The following PRDM2 variants were observed in gnomAD, a reference collection of about 807,000 sequenced individuals.
The protein encoded by PRDM2 is PR/SET domain 2.
In PRDM2, 30 loss-of-function variants were observed where a neutral mutation model predicts 130.0. That is an observed-to-expected ratio of 0.23 (90% CI 0.17 to 0.31). The LOEUF is 0.31. Ranked by LOEUF, PRDM2 falls within the 10% of genes least tolerant of loss-of-function variation. The pLI is 1.00. For missense variants in PRDM2, 2,011 were observed against 2,108.4 expected (o/e 0.95, Z 0.90); for synonymous variants, 871 against 782.4 (o/e 1.11, Z -1.89).
intron 8 of PRDM2, chr1:13,787,596 CT>C (rs1244903169): frequency 1.0e-5 from 10 of 977,246 alleles, no homozygotes; most frequent in Non-Finnish European, 1.2e-5. Flanking sequence ...GTTATGGGGA[CT>C]TTATGTTGAA....
chr1:13,810,254 C>A (rs1447337429), intron 8 of PRDM2, among the ~76,000 whole-genome samples: 3 of 152,148 alleles, frequency 2.0e-5, no homozygotes, highest in African/African-American at 4.8e-5. Context: ...ACATACATGG[C>A]CTGGCACATA....
At chr1:13,711,136 C>T (rs568987978) in intron 1 of PRDM2, among the ~76,000 whole-genome samples, 35 of 151,728 alleles carry the variant, frequency 2.3e-4, no homozygotes, top group Admixed American at 1.5e-3. Context: ...TTCAGTGATA[C>T]GCTTGGAAAG....
At chr1:13,762,501 G>A (rs1644122994) in intron 6 of PRDM2, among the ~76,000 whole-genome samples, 1 of 152,208 alleles carries the variant, frequency 6.6e-6, no homozygotes, top group Non-Finnish European at 1.5e-5. Flanking sequence ...CATAGGTTGA[G>A]AGACCCTTTC....
intron 6 of PRDM2, among the ~76,000 whole-genome samples, chr1:13,756,149 G>C (rs1643946317): frequency 6.6e-6 from 1 of 151,274 alleles, no homozygotes; most frequent in African/African-American, 2.4e-5. Flanking sequence ...TGTAGTCCCA[G>C]CTACTCCGGA....
intron 6 of PRDM2, 23 bp downstream of exon 6, chr1:13,749,510 G>GCCCGGC (rs1355940537): frequency 8.3e-7 from 1 of 1,200,016 alleles, no homozygotes; most frequent in Non-Finnish European, 1.1e-6. Context: ...CGGCCCGCCC[G>GCCCGGC]CCCGGCCCCG....
At chr1:13,732,942 C>G in intron 4 of PRDM2, 60 bp downstream of exon 4, 1 of 1,155,504 alleles carries the variant, frequency 8.7e-7, no homozygotes, top group Admixed American at 2.6e-5. Context: ...ATTCTGTTCT[C>G]TCAGAATTTG....
chr1:13,781,034 C>A lies in PRDM2; in HGVS notation c.3239C>A (p.Ala1080Glu). The change falls in exon 8 of 10, where the codon GCA becomes GAA. Residue 1080 changes from alanine (A) to glutamate (E), a missense_variant. By Grantham distance (107) the Ala-to-Glu change is moderately radical (BLOSUM62 -1). Coordinates refer to ENST00000311066, the MANE Select transcript of PRDM2 (RefSeq NM_001393986.1). This position sits in a 1 kb window ranked among gnomAD's most constrained non-coding sequence, Gnocchi z 6.1. ...TCTCCTTCTCCACCTCCTCTCTCCG[C>A]AATATCATCTGTTGTTTCCTCTGGT... The part of the protein sequence containing the change: ...SSSPSPPPLS[A>E]ISSVVSSGDN... 8 of 1,609,948 alleles carry A rather than the reference C, an allele frequency of 5.0e-6. 1 individual carries two copies. Among genetic ancestry groups the A allele is most frequent in the Non-Finnish European group, 6.8e-6 (8 of 1,176,278 alleles).
intron 8 of PRDM2, chr1:13,787,997 A>G: frequency 1.0e-6 from 1 of 984,910 alleles, no homozygotes; most frequent in Non-Finnish European, 1.2e-6. Context: ...TTGTTGTGCT[A>G]TTGCTGCAAA....
intron 1 of PRDM2, among the ~76,000 whole-genome samples, chr1:13,714,171 A>G (rs1240826276): frequency 1.3e-5 from 2 of 152,138 alleles, no homozygotes; most frequent in African/African-American, 4.8e-5. Context: ...GCCCGGCCCA[A>G]AATATACATT....
chr1:13,779,565 T>C lies in PRDM2; in HGVS notation c.1770T>C (p.Ser590=). Residue 590 remains serine (S), a synonymous_variant, in exon 8 of 10, where the codon TCT becomes TCC. Transcript: ENST00000311066. This position sits in a 1 kb window ranked among gnomAD's most constrained non-coding sequence, Gnocchi z 4.9. ...TSNCDVIEME[S]ASADLYGINC... ...ACTGTGATGTGATTGAGATGGAGTC[T>C]GCTTCGGCAGATTTGTATGGTATAA... The C allele has an allele frequency of 6.2e-7, 1 of 1,614,208 alleles. No homozygotes were observed. Among genetic ancestry groups the C allele is most frequent in the African/African-American group, 1.3e-5 (1 of 75,062 alleles).
At chr1:13,755,608 T>C (rs1643930184) in intron 6 of PRDM2, among the ~76,000 whole-genome samples, 3 of 152,200 alleles carry the variant, frequency 2.0e-5, no homozygotes, top group African/African-American at 7.2e-5. Context: ...TCCTTAAATA[T>C]GAACACTAGG....
At chr1:13,735,839 A>G (rs1235411244) in intron 4 of PRDM2, among the ~76,000 whole-genome samples, 1 of 152,244 alleles carries the variant, frequency 6.6e-6, no homozygotes, top group Non-Finnish European at 1.5e-5. Context: ...GAAACAACAC[A>G]GAAAAATATA....
chr1:13,794,092 C>T (rs1341193858), intron 8 of PRDM2, among the ~76,000 whole-genome samples: 4 of 152,146 alleles, frequency 2.6e-5, no homozygotes, highest in African/African-American at 9.7e-5. Context: ...TCCTGAAGGC[C>T]ACTTGCATTC....
At position 13,779,057 on chromosome 1, in the gene PRDM2, G is replaced by A. The variant is rs139445903; in HGVS notation, c.1262G>A (p.Ser421Asn). Residue 421 changes from serine to asparagine, a missense_variant, in exon 8 of 10, where the codon AGC (serine) becomes AAC (asparagine). Transcript: ENST00000311066. This position sits in a 1 kb window ranked among gnomAD's most constrained non-coding sequence, Gnocchi z 4.9. ...GAAGCAGGGTTAAAGCGGAAACCCA[G>A]CCAAACACTACAGCCGTCAGAGGAT... Reference protein sequence around the residue: ...RHEAGLKRKPSQTLQPSEDLA... With the variant: ...RHEAGLKRKPNQTLQPSEDLA... 1 of 1,614,198 alleles carries A rather than the reference G, an allele frequency of 6.2e-7. No homozygotes were observed. The highest frequency in any genetic ancestry group is 8.5e-7 in the Non-Finnish European group (1 of 1,180,038).
Position 13,778,588 on chromosome 1 carries a change from G to T in PRDM2, c.793G>T (p.Asp265Tyr). 1 of 1,614,134 alleles carries T rather than the reference G, an allele frequency of 6.2e-7. No homozygotes were observed. The highest frequency in any genetic ancestry group is 8.5e-7 in the Non-Finnish European group (1 of 1,180,034). ...AGAAGCGGCAGCTTGTGAGGTGAATGATTTGGGGGAAGAGGAGGAGGAGGA... is the reference window on the plus strand; with the variant it reads ...AGAAGCGGCAGCTTGTGAGGTGAATTATTTGGGGGAAGAGGAGGAGGAGGA... ...RLEAAACEVNDLGEEEEEEEE... is the reference protein window; with the variant it reads ...RLEAAACEVNYLGEEEEEEEE... Residue 265 changes from aspartate (D) to tyrosine (Y), a missense_variant, in exon 8 of 10, where the codon GAT becomes TAT. Around this residue, in one of 5 missense-constraint regions of PRDM2, gnomAD observed 1,288 missense variants for 1,237.7 expected, o/e 1.04. Transcript: ENST00000311066.
rs1291060625 is a variant in PRDM2, at chr1:13,766,510, C to G, written c.512-6568C>G. Among the ~76,000 whole-genome samples the G allele has an allele frequency of 2.0e-5, 3 of 152,150 alleles. No homozygotes were observed. The East Asian group carries it at 5.8e-4, about 29-fold the overall frequency. ...AGTAGAGAGGGTGGAAATTCAGTTG[C>G]AAGGATGAAGGACTGATGGAGGGCA... On this transcript the variant is annotated intron_variant, in intron 6 of 9. Coordinates refer to ENST00000311066, the MANE Select transcript of PRDM2 (RefSeq NM_001393986.1).
rs539585376 is a variant in PRDM2 at position 13,779,345 on chromosome 1, G to A, written c.1550G>A (p.Arg517Gln). The stretch of plus-strand genomic sequence containing the variant: ...CATCTGATTCCCAAAGGTGTACGGC[G>A]AAAAGGAGGCCTTGAAGAGCCCCAG... ...ERHLIPKGVR[R>Q]KGGLEEPQPP... The change falls in exon 8 of 10, where the codon CGA becomes CAA. Residue 517 changes from arginine (R) to glutamine (Q), a missense_variant. Arg to Gln is a conservative substitution (Grantham distance 43). Coordinates refer to ENST00000311066, the MANE Select transcript of PRDM2 (RefSeq NM_001393986.1). This position sits in a 1 kb window ranked among gnomAD's most constrained non-coding sequence, Gnocchi z 4.9. 1.2e-5 allele frequency: 20 copies of A among 1,614,100 alleles called. No individual in the cohort carries two copies. Among genetic ancestry groups the A allele is most frequent in the East Asian group, 2.2e-5 (1 of 44,878 alleles).
rs189437416 is a variant in PRDM2, at chr1:13,725,595, A to G, written c.10-5405A>G. On this transcript the variant is annotated intron_variant, in intron 2 of 9. Transcript: ENST00000311066. The stretch of plus-strand genomic sequence containing the variant: ...ATGAAAGCTAGGAAATTGATTTGGT[A>G]TAATAATGCTAGTTAGACTACAGGC... 4.5e-3 allele frequency among the ~76,000 whole-genome samples: 684 copies of G among 152,368 alleles called. 2 individuals are homozygous for G. The highest frequency in any genetic ancestry group is 6.7e-3 in the Non-Finnish European group (456 of 68,040).
At chr1:13,820,257 C>T (rs564694556) in intron 9 of PRDM2, among the ~76,000 whole-genome samples, 1 of 152,296 alleles carries the variant, frequency 6.6e-6, no homozygotes, top group African/African-American at 2.4e-5. Flanking sequence ...CTGCTCTTGC[C>T]CATTCCGGAT....
Sources: gnomAD v4.1 joint callset for allele counts (sites outside exome capture counted in the v4.1 genomes callset) on GRCh38, gnomAD v4.1.1 for gene constraint, gnomAD v4.1.1 regional missense constraint, Gnocchi (gnomAD v3.1) non-coding constraint, MANE v1.5 for transcripts, NCBI Gene and HGNC (gene_info 2026-07-23, HGNC 2026-07-21) for gene names.